The following NSMCE2 variants were observed in gnomAD, a reference collection of about 807,000 sequenced individuals.
The protein encoded by NSMCE2 is NSE2 SUMO ligase component of SMC5/6 complex, also known as E3 SUMO-protein ligase NSE2.
A neutral mutation model predicts 23.8 loss-of-function variants in NSMCE2; 24 were observed. The ratio of observed to expected loss-of-function variants is 1.01; its 90% CI spans 0.73 to 1.42. NSMCE2 has a LOEUF of 1.42. Ranked by LOEUF, NSMCE2 falls within the 40% of genes most tolerant of loss-of-function variation. The pLI is 0.00. For missense variants in NSMCE2, 284 were observed against 296.5 expected (o/e 0.96, Z 0.31); for synonymous variants, 92 against 94.1 (o/e 0.98, Z 0.13).
In NSMCE2 at chr8:125,164,841, A is replaced by G. The variant is rs143579412; in HGVS notation, c.264+13564A>G. Reference sequence around the variant, plus strand: ...TTCTTACCATAATAATAGCAAGCCTAGCTAACATGTCTCCAGTGCTTGTTA... The same window carrying G: ...TTCTTACCATAATAATAGCAAGCCTGGCTAACATGTCTCCAGTGCTTGTTA... On this transcript the variant is annotated intron_variant, in intron 4 of 7. Transcript: ENST00000287437. Among the ~76,000 whole-genome samples, 435 of 152,328 alleles carry G rather than the reference A, an allele frequency of 2.9e-3. 3 individuals carry two copies. The highest frequency in any genetic ancestry group is 0.014 in the Middle Eastern group (4 of 294).
chr8:125,301,299 C>G (rs558715181), intron 5 of NSMCE2, among the ~76,000 whole-genome samples: 1 of 152,222 alleles, frequency 6.6e-6, no homozygotes, highest in African/African-American at 2.4e-5. Context: ...CAAACAGCGT[C>G]CCAAGTAGTC....
chr8:125,119,804 A>G (rs1349494670), intron 3 of NSMCE2, among the ~76,000 whole-genome samples: 1 of 152,182 alleles, frequency 6.6e-6, no homozygotes, highest in Admixed American at 6.5e-5. Flanking sequence ...TCTAGAGAAG[A>G]TTATTTTATT....
At chr8:125,114,801 A>G (rs1372766971) in intron 3 of NSMCE2, among the ~76,000 whole-genome samples, 1 of 152,232 alleles carries the variant, frequency 6.6e-6, no homozygotes, top group Non-Finnish European at 1.5e-5. Context: ...ATACACATAC[A>G]TAGTCACTGG....
intron 4 of NSMCE2, 32 bp downstream of exon 4, chr8:125,151,309 T>C (rs1821018782): frequency 9.0e-7 from 1 of 1,107,990 alleles, no homozygotes; most frequent in Non-Finnish European, 1.4e-6. Context: ...GTTATATATT[T>C]GGTTACAACT....
In NSMCE2 at chr8:125,140,468, G is replaced by T. The variant is rs558797549; in HGVS notation, c.158-10703G>T. 9.2e-5 allele frequency among the ~76,000 whole-genome samples: 14 copies of T among 152,250 alleles called. No individual in the cohort carries two copies. The South Asian group carries it at 1.9e-3, about 20-fold the overall frequency. On this transcript the variant is annotated intron_variant, in intron 3 of 7. Transcript: ENST00000287437. ...ACTTGAGGTCAGGAGTTTGAGACCA[G>T]CCTGGCCAACATGGTGAAACCCCAT...
At chr8:125,151,104 G>A in intron 3 of NSMCE2, 67 bp from the exon 4 acceptor site, 4 of 762,704 alleles carry the variant, frequency 5.2e-6, no homozygotes, top group Non-Finnish European at 9.1e-6. Flanking sequence ...AGATTGTATT[G>A]ATGCAACTTT....
rs1398414292 is a variant in NSMCE2, at chr8:125,333,196, G to A, written c.419-24023G>A. On this transcript the variant is annotated intron_variant, in intron 5 of 7. Transcript: ENST00000287437. ...CTTTTTATCTTTTTTTAGAAACAGA[G>A]TCTCGCTCTGTCGCCAAGGCTGAAA... Among the ~76,000 whole-genome samples, 4 of 151,798 alleles carry A rather than the reference G, an allele frequency of 2.6e-5. No homozygotes were observed. The South Asian group carries it at 8.3e-4, about 32-fold the overall frequency.
chr8:125,242,712 A>G (rs1825808178), intron 5 of NSMCE2, among the ~76,000 whole-genome samples: 1 of 152,162 alleles, frequency 6.6e-6, no homozygotes, highest in Admixed American at 6.5e-5. Context: ...GGGGGGACAT[A>G]TTTTGAAATG....
chr8:125,132,752 C>T (rs1197275763), intron 3 of NSMCE2, among the ~76,000 whole-genome samples: 2 of 152,170 alleles, frequency 1.3e-5, no homozygotes, highest in Non-Finnish European at 2.9e-5. Context: ...ATCTCAGCCT[C>T]CCAAAGTGCT....
chr8:125,123,370 C>A (rs1237399771), intron 3 of NSMCE2, among the ~76,000 whole-genome samples: 1 of 152,182 alleles, frequency 6.6e-6, no homozygotes, highest in African/African-American at 2.4e-5. Context: ...TTACTAAGCA[C>A]CTTCTCTCTG....
intron 3 of NSMCE2, among the ~76,000 whole-genome samples, chr8:125,127,340 A>G (rs144912802): frequency 3.3e-5 from 5 of 152,230 alleles, no homozygotes; most frequent in African/African-American, 9.6e-5. Context: ...ACATGATAGT[A>G]AGGGCCATGT....
intron 5 of NSMCE2, among the ~76,000 whole-genome samples, chr8:125,184,245 G>A (rs536729360): frequency 1.3e-5 from 2 of 152,168 alleles, no homozygotes; most frequent in South Asian, 4.1e-4. Flanking sequence ...TATTCCACAA[G>A]GTAAAGGATG....
At chr8:125,331,828 T>C (rs935562719) in intron 5 of NSMCE2, among the ~76,000 whole-genome samples, 29 of 152,220 alleles carry the variant, frequency 1.9e-4, no homozygotes, top group African/African-American at 6.8e-4. Context: ...AAATTTACTT[T>C]GCAGGGGTAA....
chr8:125,172,306 C>G (rs1192594889), intron 4 of NSMCE2, among the ~76,000 whole-genome samples: 1 of 152,198 alleles, frequency 6.6e-6, no homozygotes, highest in East Asian at 1.9e-4. Context: ...GAGAGAATTT[C>G]TGGTTCTTAC....
intron 5 of NSMCE2, among the ~76,000 whole-genome samples, chr8:125,213,516 TC>T (rs1824436353): frequency 8.1e-6 from 1 of 124,174 alleles, no homozygotes; most frequent in African/African-American, 3.0e-5. Context: ...TCTCCTCTCC[TC>T]TCCTCTCCTC....
intron 5 of NSMCE2, among the ~76,000 whole-genome samples, chr8:125,224,994 A>AT (rs1228558276): frequency 6.6e-6 from 1 of 152,176 alleles, no homozygotes; most frequent in Non-Finnish European, 1.5e-5. Context: ...AGGACATTAG[A>AT]TTTTTTCAAA....
chr8:125,109,598 G>T (rs1818629585), intron 3 of NSMCE2, among the ~76,000 whole-genome samples: 1 of 152,062 alleles, frequency 6.6e-6, no homozygotes, highest in South Asian at 2.1e-4. Context: ...TTATCACTTT[G>T]CCCTGACATT....
At chr8:125,304,572 T>G (rs907728590) in intron 5 of NSMCE2, among the ~76,000 whole-genome samples, 1 of 152,016 alleles carries the variant, frequency 6.6e-6, no homozygotes, top group Non-Finnish European at 1.5e-5. Context: ...AAAGTAGAAT[T>G]GAGGCTGGGT....
chr8:125,342,636 C>G (rs1390898812), intron 5 of NSMCE2, among the ~76,000 whole-genome samples: 8 of 151,932 alleles, frequency 5.3e-5, no homozygotes, highest in African/African-American at 1.9e-4. Flanking sequence ...CCTCCTCCCT[C>G]CCTCCCTCTT....
Sources: allele counts gnomAD v4.1 joint callset (sites outside exome capture counted in the v4.1 genomes callset), GRCh38; gene constraint gnomAD v4.1.1; transcripts MANE v1.5; gene names NCBI Gene and HGNC (gene_info 2026-07-23, HGNC 2026-07-21).